CRYBG1: variants seen among roughly 807,000 people sequenced by gnomAD.
CRYBG1 encodes the protein beta/gamma crystallin domain-containing protein 1.
In CRYBG1, 139 loss-of-function variants were observed where a neutral mutation model predicts 189.2. The ratio of observed to expected loss-of-function variants is 0.73; its 90% CI spans 0.64 to 0.85. The LOEUF (loss-of-function observed/expected upper bound fraction) is 0.85. Ranked by LOEUF, CRYBG1 falls within the 40% of genes least tolerant of loss-of-function variation. The probability of loss-of-function intolerance (pLI) is 0.00; values close to 1 mark genes in which losing one functional copy is unlikely to be tolerated. For missense variants in CRYBG1, 2,611 were observed against 2,675.8 expected, an observed-to-expected ratio of 0.98 and a Z score of 0.53; for synonymous variants, 1,023 against 1,017.1, an observed-to-expected ratio of 1.01 and a Z score of -0.11.
chr6:106,553,349 C>T, intron 15 of CRYBG1, 106 bp from the exon 16 acceptor site: 1 of 693,140 alleles, frequency 1.4e-6, no homozygotes. Context: ...TACCAGTTTA[C>T]TGTAACAAAA....
intron 1 of CRYBG1, among the ~76,000 whole-genome samples, chr6:106,440,737 G>A (rs896545153): frequency 4.9e-4 from 75 of 152,182 alleles, no homozygotes; most frequent in Admixed American, 4.8e-3. Flanking sequence ...TCATCAACAT[G>A]TGGTAACAAC....
chr6:106,379,303 C>T (rs1222397024), intron 1 of CRYBG1, among the ~76,000 whole-genome samples: 1 of 151,168 alleles, frequency 6.6e-6, no homozygotes, highest in East Asian at 2.0e-4. Flanking sequence ...TCTCTGTTGC[C>T]CAGGCTGGAG....
chr6:106,361,951 C>CATTTT (rs1771876168), intron 1 of CRYBG1, among the ~76,000 whole-genome samples: 1 of 52,480 alleles, frequency 1.9e-5, no homozygotes, highest in Non-Finnish European at 3.8e-5. Context: ...ACATGGTTTT[C>CATTTT]CTTTTATTTC....
At chr6:106,534,239 AG>A (rs1773939188) in intron 8 of CRYBG1, among the ~76,000 whole-genome samples, 2 of 152,220 alleles carry the variant, frequency 1.3e-5, no homozygotes, top group South Asian at 2.1e-4. Flanking sequence ...TTACCTTTGC[AG>A]TAAGTTTAGC....
intron 2 of CRYBG1, among the ~76,000 whole-genome samples, chr6:106,482,419 C>A (rs374713132): frequency 3.9e-4 from 50 of 128,698 alleles, no homozygotes; most frequent in African/African-American, 1.5e-3. Context: ...ATTCACAGGT[C>A]CTGTAAAGGG....
At chr6:106,553,090 C>A (rs752539787) in intron 15 of CRYBG1, among the ~76,000 whole-genome samples, 1 of 152,212 alleles carries the variant, frequency 6.6e-6, no homozygotes, top group Non-Finnish European at 1.5e-5. Flanking sequence ...AGGAAGGAAA[C>A]TACACTATGT....
chr6:106,441,851 A>C (rs1771573019), intron 1 of CRYBG1, among the ~76,000 whole-genome samples: 2 of 152,212 alleles, frequency 1.3e-5, no homozygotes. Context: ...GTAAAAAATG[A>C]ACCTCCATAA....
intron 1 of CRYBG1, among the ~76,000 whole-genome samples, chr6:106,412,543 G>A (rs1360427733): frequency 1.3e-5 from 2 of 152,160 alleles, no homozygotes; most frequent in Non-Finnish European, 2.9e-5. Flanking sequence ...CCCCACACAT[G>A]TGTAAGGTGG....
intron 1 of CRYBG1, among the ~76,000 whole-genome samples, chr6:106,420,092 T>A (rs1217912285): frequency 6.6e-6 from 1 of 152,190 alleles, no homozygotes; most frequent in Non-Finnish European, 1.5e-5. Context: ...ATTTTGTACA[T>A]TTTGATATCA....
chr6:106,517,365 T>C lies in CRYBG1; in HGVS notation c.1923-1766T>C, dbSNP rs183339009. On this transcript the variant is annotated intron_variant, in intron 3 of 21. Transcript: ENST00000633556. Reference sequence around the variant, plus strand: ...ATACACACACATATATATATACACATATATACACACACACATATACACACA... The same window carrying C: ...ATACACACACATATATATATACACACATATACACACACACATATACACACA... Among the ~76,000 whole-genome samples, 253 of 101,258 alleles carry C rather than the reference T, an allele frequency of 2.5e-3. 4 individuals carry two copies. Among genetic ancestry groups the C allele is most frequent in the African/African-American group, 0.011 (244 of 21,990 alleles). The allele number at this position is 101,258 out of a possible 152,430, so 66.4% of individuals were successfully genotyped here.
chr6:106,511,283 G>C (rs1773252149), intron 2 of CRYBG1, 147 bp from the exon 3 acceptor site: 21 of 791,988 alleles, frequency 2.7e-5, no homozygotes, highest in Non-Finnish European at 3.5e-5. Context: ...TATTTTGTTG[G>C]AATGAATGTA....
intron 2 of CRYBG1, among the ~76,000 whole-genome samples, chr6:106,471,343 T>C (rs2114467173): frequency 6.6e-6 from 1 of 152,304 alleles, no homozygotes; most frequent in South Asian, 2.1e-4. Flanking sequence ...AGCACAAGGA[T>C]GTGAAGATCT....
intron 1 of CRYBG1, among the ~76,000 whole-genome samples, chr6:106,368,575 A>C (rs1325277304): frequency 1.3e-5 from 2 of 152,276 alleles, no homozygotes; most frequent in Non-Finnish European, 2.9e-5. Flanking sequence ...TTGCCTTAAA[A>C]CATAGCTGCA....
chr6:106,439,300 T>G (rs575184376), intron 1 of CRYBG1, among the ~76,000 whole-genome samples: 10 of 152,284 alleles, frequency 6.6e-5, no homozygotes, highest in South Asian at 4.1e-4. Flanking sequence ...CTTTTTAATT[T>G]TATGAATTTC....
At chr6:106,453,304 A>C (rs1454687032) in intron 2 of CRYBG1, among the ~76,000 whole-genome samples, 1 of 152,220 alleles carries the variant, frequency 6.6e-6, no homozygotes, top group Non-Finnish European at 1.5e-5. Flanking sequence ...GTAGGTAGTG[A>C]AATTCAATAC....
At chr6:106,504,732 C>T (rs1773092462) in intron 2 of CRYBG1, among the ~76,000 whole-genome samples, 2 of 151,810 alleles carry the variant, frequency 1.3e-5, no homozygotes, top group Admixed American at 6.6e-5. Context: ...AAAACACAAA[C>T]GGAAAGGTGG....
intron 1 of CRYBG1, among the ~76,000 whole-genome samples, chr6:106,434,743 T>G (rs1158955317): frequency 6.6e-6 from 1 of 152,216 alleles, no homozygotes; most frequent in African/African-American, 2.4e-5. Flanking sequence ...CCAATAAAAC[T>G]CTATTTACAA....
chr6:106,554,715 A>G (rs1389010724), intron 16 of CRYBG1, among the ~76,000 whole-genome samples: 1 of 152,180 alleles, frequency 6.6e-6, no homozygotes, highest in Non-Finnish European at 1.5e-5. Context: ...TGCCTGCTTC[A>G]TTTATTACCT....
chr6:106,513,253 C>G (rs531110662), intron 3 of CRYBG1, among the ~76,000 whole-genome samples: 1 of 152,146 alleles, frequency 6.6e-6, no homozygotes, highest in Non-Finnish European at 1.5e-5. Context: ...CTTTTTAACA[C>G]AAGATTTAAG....
Sources: gnomAD v4.1 joint callset for allele counts (sites outside exome capture counted in the v4.1 genomes callset) on GRCh38, gnomAD v4.1.1 for gene constraint, MANE v1.5 for transcripts, NCBI Gene and HGNC (gene_info 2026-07-23, HGNC 2026-07-21) for gene names.